The following PPP1R21 variants were observed in gnomAD, a reference collection of about 807,000 sequenced individuals.
PPP1R21 encodes the protein KLRAQ motif containing 1.
In PPP1R21, 85 loss-of-function variants were observed where a neutral mutation model predicts 112.8. The observed-to-expected ratio is 0.75, with a 90% CI of 0.63 to 0.90. PPP1R21 has a LOEUF of 0.90. PPP1R21 is among the 40% of genes least tolerant of loss of function. The probability of loss-of-function intolerance (pLI) is 0.00; values close to 1 mark genes in which losing one functional copy is unlikely to be tolerated. For missense variants in PPP1R21, 1,199 were observed against 901.5 expected, an observed-to-expected ratio of 1.33 and a Z score of -4.23; for synonymous variants, 381 against 322.3, an observed-to-expected ratio of 1.18 and a Z score of -1.95.
At chr2:48,490,995 T>C (rs752533302) in intron 14 of PPP1R21, 23 bp from the exon 15 acceptor site, 1 of 1,607,314 alleles carries the variant, frequency 6.2e-7, no homozygotes, top group Non-Finnish European at 8.5e-7. Context: ...ACAAAATCTA[T>C]TTCCTTGTCA....
Position 48,454,733 on chromosome 2 carries a change from A to G in PPP1R21, c.265A>G (p.Lys89Glu), listed in dbSNP as rs1382538985. 2 of 1,613,694 alleles carry G rather than the reference A, an allele frequency of 1.2e-6. No homozygotes were observed. Among genetic ancestry groups the G allele is most frequent in the Non-Finnish European group, 1.7e-6 (2 of 1,179,668 alleles). The change falls in exon 3 of 22, where the codon AAA becomes GAA. Residue 89 changes from lysine (K) to glutamate (E), a missense_variant. Coordinates refer to ENST00000294952, the MANE Select transcript of PPP1R21 (RefSeq NM_001135629.3). The part of the protein sequence containing the change: ...ELALSEPRGK[K>E]NKKSGESSSQ... ...AGCTCTAAGTGAACCACGAGGCAAG[A>G]AAAACAAGGTAGGTTCAAATACAGG...
At chr2:48,447,764 C>G (rs1462401639) in intron 1 of PPP1R21, among the ~76,000 whole-genome samples, 1 of 151,978 alleles carries the variant, frequency 6.6e-6, no homozygotes, top group Non-Finnish European at 1.5e-5. Flanking sequence ...GCCTGGTCAA[C>G]ATGGTGAAGC....
At position 48,491,112 on chromosome 2, in the gene PPP1R21, C is replaced by A; in HGVS notation, c.1541C>A (p.Ala514Asp). Residue 514 changes from alanine (A) to aspartate (D), a missense_variant, in exon 15 of 22, where the codon GCT (alanine) becomes GAT (aspartate). Coordinates refer to ENST00000294952, the MANE Select transcript of PPP1R21 (RefSeq NM_001135629.3). ...AGTGGATTCATTAGTCCTCTTTCAG[C>A]TGAATGCATGCTACAGTATAAGAAA... ...AASGFISPLSAECMLQYKKKA... is the reference protein window; with the variant it reads ...AASGFISPLSDECMLQYKKKA... 1 of 1,614,134 alleles carries A rather than the reference C, an allele frequency of 6.2e-7. No individual in the cohort carries two copies. Among genetic ancestry groups the A allele is most frequent in the Non-Finnish European group, 8.5e-7 (1 of 1,180,018 alleles).
chr2:48,471,583 G>A (rs770772939), intron 11 of PPP1R21: 10 of 503,006 alleles, frequency 2.0e-5, no homozygotes, highest in Admixed American at 3.7e-5. Context: ...CAGATTTTCA[G>A]TTGTTCTGTA....
rs183725065 is a variant in PPP1R21, at chr2:48,458,943, T to G, written c.375+716T>G. Among the ~76,000 whole-genome samples the G allele has an allele frequency of 9.4e-3, 1,425 of 151,840 alleles. 10 individuals are homozygous for G. The highest frequency in any genetic ancestry group is 0.014 in the Non-Finnish European group (962 of 67,918). Reference sequence around the variant, plus strand: ...CCTTCTCTAGTAAAAATACAAAAAATTAGCCAGGCGTGGTGGTAGACACCT... The same window carrying G: ...CCTTCTCTAGTAAAAATACAAAAAAGTAGCCAGGCGTGGTGGTAGACACCT... On this transcript the variant is annotated intron_variant, in intron 4 of 21. Transcript: ENST00000294952.
At chr2:48,452,043 A>G (rs1264438295) in intron 2 of PPP1R21, among the ~76,000 whole-genome samples, 2 of 152,206 alleles carry the variant, frequency 1.3e-5, no homozygotes, top group Non-Finnish European at 2.9e-5. Flanking sequence ...TCTGCACCCA[A>G]GCCAAGATGA....
chr2:48,460,394 C>G (rs1426632296), intron 6 of PPP1R21, among the ~76,000 whole-genome samples: 2 of 152,144 alleles, frequency 1.3e-5, no homozygotes, highest in Non-Finnish European at 2.9e-5. Context: ...TTCTGGAGCT[C>G]TTGCACTGAA....
intron 19 of PPP1R21, 37 bp from the exon 20 acceptor site, chr2:48,509,978 G>T: frequency 6.6e-7 from 1 of 1,505,522 alleles, no homozygotes; most frequent in African/African-American, 1.4e-5. Flanking sequence ...TTTAGAAAGT[G>T]CTCCCTCTAG....
intron 2 of PPP1R21, 165 bp from the exon 3 acceptor site, chr2:48,454,430 C>A: frequency 1.4e-6 from 1 of 739,704 alleles, no homozygotes; most frequent in Non-Finnish European, 2.2e-6. Flanking sequence ...ATTATCTTTT[C>A]ACAAAGTGCT....
intron 15 of PPP1R21, among the ~76,000 whole-genome samples, chr2:48,495,396 G>C (rs1178977759): frequency 6.6e-6 from 1 of 152,100 alleles, no homozygotes; most frequent in Non-Finnish European, 1.5e-5. Context: ...TAGAGATGGG[G>C]TTTCACCATA....
rs1670520523 is a variant in PPP1R21, at chr2:48,509,174, C to T, written c.2086-841C>T. On this transcript the variant is annotated intron_variant, in intron 19 of 21. Coordinates refer to ENST00000294952, the MANE Select transcript of PPP1R21 (RefSeq NM_001135629.3). ...TGGTAGAACCCCTAAAGAAAGCAGC[C>T]TGGAATTTTTGCAATCTTGTGCTCA... is the stretch of plus-strand genomic sequence containing the variant. Among the ~76,000 whole-genome samples, 5 of 152,106 alleles carry T rather than the reference C, an allele frequency of 3.3e-5. No homozygotes were observed. The South Asian group carries it at 1.0e-3, about 32-fold the overall frequency.
At chr2:48,468,692 GTAGTCCCAGC>G (rs372932940) in intron 9 of PPP1R21, among the ~76,000 whole-genome samples, 59 of 152,116 alleles carry the variant, frequency 3.9e-4, no homozygotes, top group African/African-American at 1.3e-3. Context: ...GCTTGTACCT[GTAGTCCCAGC>G]TACTTGGTGG....
intron 19 of PPP1R21, among the ~76,000 whole-genome samples, chr2:48,508,093 AG>A (rs1670472569): frequency 6.6e-6 from 1 of 151,674 alleles, no homozygotes; most frequent in African/African-American, 2.4e-5. Context: ...AAAAAAAAAA[AG>A]TTATTGCACT....
chr2:48,478,095 T>G (rs977393293), intron 12 of PPP1R21, among the ~76,000 whole-genome samples: 2 of 152,194 alleles, frequency 1.3e-5, no homozygotes, highest in African/African-American at 4.8e-5. Context: ...CACAGGCAAG[T>G]AACACCTAGG....
At chr2:48,504,936 G>A (rs1433369295) in intron 17 of PPP1R21, among the ~76,000 whole-genome samples, 4 of 152,110 alleles carry the variant, frequency 2.6e-5, no homozygotes, top group Non-Finnish European at 5.9e-5. Context: ...TGACGCTGCA[G>A]TAAGCTATGA....
At chr2:48,493,376 G>C (rs1482535912) in intron 15 of PPP1R21, among the ~76,000 whole-genome samples, 1 of 152,140 alleles carries the variant, frequency 6.6e-6, no homozygotes, top group East Asian at 1.9e-4. Context: ...TGTTAATTTT[G>C]TGTTTATGTG....
chr2:48,492,987 A>G (rs148608921), intron 15 of PPP1R21, among the ~76,000 whole-genome samples: 136 of 149,996 alleles, frequency 9.1e-4, no homozygotes, highest in Admixed American at 1.6e-3. Context: ...TTTATTGTAT[A>G]AATTCTCTCT....
chr2:48,454,733 A>C lies in PPP1R21; in HGVS notation c.265A>C (p.Lys89Gln). Residue 89 changes from lysine (K) to glutamine (Q), a missense_variant, in exon 3 of 22, where the codon AAA becomes CAA. By Grantham distance (53) the Lys-to-Gln change is moderately conservative. Coordinates refer to ENST00000294952, the MANE Select transcript of PPP1R21 (RefSeq NM_001135629.3). Reference sequence around the variant, plus strand: ...AGCTCTAAGTGAACCACGAGGCAAGAAAAACAAGGTAGGTTCAAATACAGG... The same window carrying C: ...AGCTCTAAGTGAACCACGAGGCAAGCAAAACAAGGTAGGTTCAAATACAGG... ...ELALSEPRGK[K>Q]NKKSGESSSQ... is the part of the protein sequence containing the mutation. 6.2e-7 allele frequency: 1 copy of C among 1,613,812 alleles called. No homozygotes were observed. Among genetic ancestry groups the C allele is most frequent in the Non-Finnish European group, 8.5e-7 (1 of 1,179,660 alleles).
At position 48,440,977 on chromosome 2, in the gene PPP1R21, G is replaced by A. The variant is rs1666998490; in HGVS notation, c.24G>A (p.Gly8=). 1.2e-6 allele frequency: 2 copies of A among 1,612,044 alleles called. No homozygotes were observed. Among genetic ancestry groups the A allele is most frequent in the Non-Finnish European group, 8.5e-7 (1 of 1,178,762 alleles). Residue 8 remains glycine (G), a synonymous_variant, in exon 1 of 22, where the codon GGG becomes GGA. Transcript: ENST00000294952. Reference sequence around the variant, plus strand: ...CCATGGCCTCGGCTGAGTTGCAGGGGAAGTACCAGAAGCTGGCTCAGGAGT... The same window carrying A: ...CCATGGCCTCGGCTGAGTTGCAGGGAAAGTACCAGAAGCTGGCTCAGGAGT... The part of the protein sequence containing the change: MASAELQ[G]KYQKLAQEYS...
Sources: allele counts gnomAD v4.1 joint callset (sites outside exome capture counted in the v4.1 genomes callset), GRCh38; gene constraint gnomAD v4.1.1; transcripts MANE v1.5; gene names NCBI Gene and HGNC (gene_info 2026-07-23, HGNC 2026-07-21).